UGT2B10: variants seen among roughly 807,000 people sequenced by gnomAD.
The protein encoded by UGT2B10 is UDP-glucuronosyltransferase 2B10.
A neutral mutation model predicts 43.7 loss-of-function variants in UGT2B10; 51 were observed. That is an observed-to-expected ratio of 1.17 (90% confidence interval 0.93 to 1.47). The LOEUF is 1.47. Ranked by LOEUF, UGT2B10 falls within the 40% of genes most tolerant of loss-of-function variation. The pLI is 0.00. For synonymous variants in UGT2B10, 225 were observed against 209.0 expected (o/e 1.08, Z -0.66); for missense variants, 696 against 617.7 (o/e 1.13, Z -1.34).
chr4:68,822,205 T>G, intron 2 of UGT2B10, 66 bp from the exon 3 acceptor site: 1 of 1,577,096 alleles, frequency 6.3e-7, no homozygotes, highest in Non-Finnish European at 8.6e-7. Flanking sequence ...TTTGTACCAA[T>G]TCTTTCGGTA....
At chr4:68,824,866 A>G (rs1435102145) in intron 3 of UGT2B10, among the ~76,000 whole-genome samples, 1 of 152,174 alleles carries the variant, frequency 6.6e-6, no homozygotes, top group Non-Finnish European at 1.5e-5. Flanking sequence ...ATTTTTATTC[A>G]TGATACCAAC....
intron 2 of UGT2B10, among the ~76,000 whole-genome samples, chr4:68,819,764 A>G (rs835314): frequency 0.88 from 134,204 of 151,898 alleles, 61,370 homozygotes; most frequent in Non-Finnish European, 1. Flanking sequence ...AGTGCCCTTA[A>G]TTTCAATACG....
Position 68,816,301 on chromosome 4 carries a change from G to C in UGT2B10, c.282G>C (p.Lys94Asn). Residue 94 changes from lysine (K) to asparagine (N), a missense_variant, in exon 1 of 6, where the codon AAG becomes AAC. By Grantham distance (94) the Lys-to-Asn change is moderately conservative (BLOSUM62 0). Transcript: ENST00000265403. The stretch of plus-strand genomic sequence containing the variant: ...AGAATATCATCATGCAATTGGTTAA[G>C]AGATTGTCAGAAATTCAAAAAGATA... ...EFENIIMQLV[K>N]RLSEIQKDTF... 6.2e-7 allele frequency: 1 copy of C among 1,613,108 alleles called. No individual in the cohort carries two copies. Among genetic ancestry groups the C allele is most frequent in the South Asian group, 1.1e-5 (1 of 91,056 alleles).
Position 68,818,184 on chromosome 4 carries a change from A to G in UGT2B10, c.867+7A>G. ...TGCCAAACCCCTACCTAAGGTAAAC[A>G]TACTTTCGTTGGTTTTATTTTGTTG... is the stretch of plus-strand genomic sequence containing the variant. On this transcript the variant is annotated splice_region_variant and intron_variant, in intron 2 of 5. Transcript: ENST00000265403. The G allele has an allele frequency of 6.2e-7, 1 of 1,607,284 alleles. No homozygotes were observed. The highest frequency in any genetic ancestry group is 8.5e-7 in the Non-Finnish European group (1 of 1,177,184).
At chr4:68,829,159 T>C (rs1343115700) in intron 5 of UGT2B10, among the ~76,000 whole-genome samples, 1 of 152,072 alleles carries the variant, frequency 6.6e-6, no homozygotes, top group African/African-American at 2.4e-5. Context: ...GTTTGTGCTT[T>C]ATCCATCAAC....
At position 68,826,504 on chromosome 4, in the gene UGT2B10, C is replaced by T. The variant is rs1482270117; in HGVS notation, c.1087+7C>T. On this transcript the variant is annotated splice_region_variant and intron_variant, in intron 4 of 5. Transcript: ENST00000265403. ...CCCCAGAATGACCTTCTAGGTAACACTCTGGTGAACAATACTGGATATATT... is the reference window on the plus strand; with the variant it reads ...CCCCAGAATGACCTTCTAGGTAACATTCTGGTGAACAATACTGGATATATT... The T allele has an allele frequency of 3.7e-6, 6 of 1,609,976 alleles. No individual in the cohort carries two copies. The highest frequency in any genetic ancestry group is 3.4e-6 in the Non-Finnish European group (4 of 1,177,616).
At chr4:68,827,202 A>G (rs556410024) in intron 4 of UGT2B10, 127 bp from the exon 5 acceptor site, 3 of 1,488,662 alleles carry the variant, frequency 2.0e-6, no homozygotes, top group Non-Finnish European at 2.7e-6. Flanking sequence ...TTTTCCTCTG[A>G]AATCTGAAAA....
rs1254235597 is a variant in UGT2B10, at chr4:68,816,138, C to T, written c.119C>T (p.Thr40Ile). 1.9e-6 allele frequency: 3 copies of T among 1,613,164 alleles called. No homozygotes were observed. The highest frequency in any genetic ancestry group is 1.7e-6 in the Non-Finnish European group (2 of 1,179,462). The change falls in exon 1 of 6, where the codon ACA (threonine) becomes ATA (isoleucine). Residue 40 changes from threonine (T) to isoleucine (I), a missense_variant. Physicochemically the swap from Thr to Ile is moderately conservative, Grantham distance 89 (BLOSUM62 -1). Transcript: ENST00000265403. Reference sequence around the variant, plus strand: ...TACAGCCTTTGGATGAATATGAAGACAATCCTGAAAGAACTTGTTCAGAGA... The same window carrying T: ...TACAGCCTTTGGATGAATATGAAGATAATCCTGAAAGAACTTGTTCAGAGA... ...AEYSLWMNMK[T>I]ILKELVQRGH...
Position 68,830,727 on chromosome 4 carries a change from G to A in UGT2B10, c.1435G>A (p.Ala479Thr), listed in dbSNP as rs1292142422. The A allele has an allele frequency of 6.2e-7, 1 of 1,613,326 alleles. No homozygotes were observed. Among genetic ancestry groups the A allele is most frequent in the African/African-American group, 1.3e-5 (1 of 74,882 alleles). ...AGGAGCCAAACATCTTCGAGTTGCA[G>A]CCCACAACCTCACCTGGTTCCAGTA... ...HKGAKHLRVAAHNLTWFQYHS... is the reference protein window; with the variant it reads ...HKGAKHLRVATHNLTWFQYHS... The change falls in exon 6 of 6, where the codon GCC becomes ACC. Residue 479 changes from alanine to threonine, a missense_variant. Coordinates refer to ENST00000265403, the MANE Select transcript of UGT2B10 (RefSeq NM_001075.6).
rs188570856 is a variant in UGT2B10, at chr4:68,831,356, G to C, written c.*477G>C. ...AATCCTCCCATTTTAGCATCCCAAA[G>C]GGATGAGATTACAGGTATGTACCAC... On this transcript the variant is annotated 3_prime_UTR_variant, in exon 6 of 6. Coordinates refer to ENST00000265403, the MANE Select transcript of UGT2B10 (RefSeq NM_001075.6). Among the ~76,000 whole-genome samples the C allele has an allele frequency of 6.6e-6, 1 of 152,102 alleles. No individual in the cohort carries two copies. Among genetic ancestry groups the C allele is most frequent in the African/African-American group, 2.4e-5 (1 of 41,532 alleles).
intron 5 of UGT2B10, among the ~76,000 whole-genome samples, chr4:68,828,681 T>G (rs1345494566): frequency 6.6e-6 from 1 of 151,980 alleles, no homozygotes; most frequent in African/African-American, 2.4e-5. Context: ...TGGAATCTTA[T>G]AATGTAAAAT....
chr4:68,816,585 C>T lies in UGT2B10; in HGVS notation c.566C>T (p.Pro189Leu), dbSNP rs766591504. 1 of 1,613,022 alleles carries T rather than the reference C, an allele frequency of 6.2e-7. No homozygotes were observed. Among genetic ancestry groups the T allele is most frequent in the East Asian group, 2.2e-5 (1 of 44,774 alleles). The change falls in exon 1 of 6, where the codon CCT becomes CTT. Residue 189 changes from proline (P) to leucine (L), a missense_variant. Physicochemically the swap from Pro to Leu is moderately conservative, Grantham distance 98. Coordinates refer to ENST00000265403, the MANE Select transcript of UGT2B10 (RefSeq NM_001075.6). Reference protein sequence around the residue: ...FERHSGGFIFPPSYVPVVMSK... With the variant: ...FERHSGGFIFLPSYVPVVMSK... ...AGGCACAGTGGAGGATTTATTTTCCCTCCTTCCTACGTACCTGTTGTTATG... is the reference window on the plus strand; with the variant it reads ...AGGCACAGTGGAGGATTTATTTTCCTTCCTTCCTACGTACCTGTTGTTATG...
intron 1 of UGT2B10, among the ~76,000 whole-genome samples, chr4:68,817,582 A>G (rs1737278787): frequency 6.6e-6 from 1 of 151,776 alleles, no homozygotes; most frequent in African/African-American, 2.4e-5. Context: ...TGAAGAACCA[A>G]AGATAAAAGG....
In UGT2B10 at chr4:68,830,851, G is replaced by A. The variant is rs775150849; in HGVS notation, c.1559G>A (p.Arg520Lys). Residue 520 changes from arginine (R) to lysine (K), a missense_variant, in exon 6 of 6, where the codon AGA (arginine) becomes AAA (lysine). Coordinates refer to ENST00000265403, the MANE Select transcript of UGT2B10 (RefSeq NM_001075.6). Reference sequence around the variant, plus strand: ...CTGTTTTGTTTCTGGAAGTTTGCTAGAAAAGGAAAGAAGGGAAAAAGGGAT... The same window carrying A: ...CTGTTTTGTTTCTGGAAGTTTGCTAAAAAAGGAAAGAAGGGAAAAAGGGAT... ...CCLFCFWKFA[R>K]KGKKGKRD is the part of the protein sequence containing the mutation. 12 of 1,612,718 alleles carry A rather than the reference G, an allele frequency of 7.4e-6. No homozygotes were observed. The African/African-American group carries it at 1.1e-4, about 14-fold the overall frequency.
intron 3 of UGT2B10, among the ~76,000 whole-genome samples, chr4:68,823,915 A>C (rs2670431): frequency 6.6e-6 from 1 of 152,232 alleles, no homozygotes; most frequent in African/African-American, 2.4e-5. Flanking sequence ...ATCATGTTAT[A>C]GGGATCAGGT....
chr4:68,818,218 T>C, intron 2 of UGT2B10, 41 bp downstream of exon 2: 1 of 1,601,832 alleles, frequency 6.2e-7, no homozygotes, highest in Non-Finnish European at 8.5e-7. Context: ...TGGCTTCAAA[T>C]TTCAGTAGAA....
At chr4:68,822,242 T>C (rs1737537983) in intron 2 of UGT2B10, 29 bp from the exon 3 acceptor site, 1 of 1,608,434 alleles carries the variant, frequency 6.2e-7, no homozygotes, top group Non-Finnish European at 8.5e-7. Flanking sequence ...TACTCTTTTA[T>C]GATGAAACAT....
chr4:68,824,328 T>C (rs1364971379), intron 3 of UGT2B10, among the ~76,000 whole-genome samples: 4 of 152,200 alleles, frequency 2.6e-5, no homozygotes, highest in African/African-American at 7.2e-5. Flanking sequence ...AAGGTGCAGA[T>C]GGATCCTGAC....
chr4:68,817,947 G>A (rs2109683945), intron 1 of UGT2B10, 82 bp from the exon 2 acceptor site: 1 of 1,508,870 alleles, frequency 6.6e-7, no homozygotes, highest in South Asian at 1.3e-5. Flanking sequence ...ATTTTTGCCT[G>A]CATTATTCTA....
Sources: allele counts gnomAD v4.1 joint callset (sites outside exome capture counted in the v4.1 genomes callset), GRCh38; gene constraint gnomAD v4.1.1; transcripts MANE v1.5; gene names NCBI Gene and HGNC (gene_info 2026-07-23, HGNC 2026-07-21).